The following B4GALT1 variants were observed in gnomAD, a reference collection of about 807,000 sequenced individuals.
The protein encoded by B4GALT1 is beta-1,4-galactosyltransferase 1, also known as N-acetyllactosamine synthase.
A neutral mutation model predicts 34.9 loss-of-function variants in B4GALT1; 16 were observed. The ratio of observed to expected loss-of-function variants is 0.46; its 90% CI spans 0.31 to 0.70. The LOEUF (loss-of-function observed/expected upper bound fraction) is 0.70, where lower values mean the gene tolerates loss of function less well. B4GALT1 is among the 30% of genes least tolerant of loss of function. The pLI is 0.05. For synonymous variants in B4GALT1, 221 were observed against 218.1 expected, an observed-to-expected ratio of 1.01 and a Z score of -0.12; for missense variants, 445 against 530.5, an observed-to-expected ratio of 0.84 and a Z score of 1.58.
chr9:33,131,960 C>T (rs895367555), intron 2 of B4GALT1, among the ~76,000 whole-genome samples: 2 of 152,126 alleles, frequency 1.3e-5, no homozygotes, highest in Non-Finnish European at 2.9e-5. Flanking sequence ...GTTATCTGGA[C>T]TCTGACCATA....
intron 3 of B4GALT1, among the ~76,000 whole-genome samples, chr9:33,118,745 T>C (rs1485791053): frequency 6.6e-6 from 1 of 152,140 alleles, no homozygotes; most frequent in East Asian, 1.9e-4. Flanking sequence ...AACCACACTG[T>C]ACTAGTCAGC....
At chr9:33,123,460 A>C (rs1840051223) in intron 2 of B4GALT1, among the ~76,000 whole-genome samples, 1 of 151,990 alleles carries the variant, frequency 6.6e-6, no homozygotes, top group Non-Finnish European at 1.5e-5. Flanking sequence ...AACAACCCTC[A>C]CCCCAGCCCA....
chr9:33,124,163 T>C (rs10971419), intron 2 of B4GALT1, among the ~76,000 whole-genome samples: 56,421 of 151,956 alleles, frequency 0.37, 11,183 homozygotes, highest in East Asian at 0.59. Flanking sequence ...GCTGTAACAC[T>C]GGGGCACACA....
At chr9:33,181,826 A>G in the B4GALT1 span, among the ~76,000 whole-genome samples, 1 of 152,332 alleles carries the variant, frequency 6.6e-6, no homozygotes, top group Middle Eastern at 3.4e-3. Context: ...TTAGTTTCCA[A>G]GGACTCCTCT....
intron 5 of B4GALT1, 27 bp from the exon 6 acceptor site, chr9:33,113,613 T>G: frequency 2.5e-6 from 4 of 1,614,142 alleles, no homozygotes; most frequent in Non-Finnish European, 3.4e-6. Flanking sequence ...ACAAGGAGAT[T>G]GTCTTAAAAC....
chr9:33,180,200 C>T, the B4GALT1 span, among the ~76,000 whole-genome samples: 1 of 152,166 alleles, frequency 6.6e-6, no homozygotes, highest in African/African-American at 2.4e-5. Context: ...CCATGCCCAG[C>T]TCCATTTCCA....
chr9:33,158,709 A>C (rs990435230), intron 1 of B4GALT1, among the ~76,000 whole-genome samples: 1 of 152,034 alleles, frequency 6.6e-6, no homozygotes, highest in African/African-American at 2.4e-5. Flanking sequence ...CCTGGCCCAG[A>C]CCACCCATTT....
intron 2 of B4GALT1, among the ~76,000 whole-genome samples, chr9:33,133,758 T>C (rs1160941181): frequency 6.6e-6 from 1 of 152,166 alleles, no homozygotes; most frequent in African/African-American, 2.4e-5. Flanking sequence ...TCAGTTTCCT[T>C]GTAACAGGGC....
At chr9:33,164,182 C>T (rs1305182643) in intron 1 of B4GALT1, among the ~76,000 whole-genome samples, 1 of 152,142 alleles carries the variant, frequency 6.6e-6, no homozygotes, top group Non-Finnish European at 1.5e-5. Context: ...AAAGCCAAGT[C>T]GGGGAAAGGA....
At chr9:33,126,922 A>T (rs889276997) in intron 2 of B4GALT1, among the ~76,000 whole-genome samples, 1 of 152,088 alleles carries the variant, frequency 6.6e-6, no homozygotes, top group Non-Finnish European at 1.5e-5. Context: ...GGGTGAAGTG[A>T]GCACAGAAGA....
chr9:33,167,378 G>C, upstream of B4GALT1: 1 of 545,212 alleles, frequency 1.8e-6, no homozygotes, highest in Non-Finnish European at 2.7e-6. Context: ...GGGGAGGGGC[G>C]GGGCCCCGGC....
chr9:33,151,258 G>T (rs1840513552), intron 1 of B4GALT1, among the ~76,000 whole-genome samples: 1 of 152,218 alleles, frequency 6.6e-6, no homozygotes. Context: ...CTCAATAACA[G>T]TTCTAATCTT....
chr9:33,137,254 TTC>T lies in B4GALT1; in HGVS notation c.413-1832_413-1831del, dbSNP rs1587738928. On this transcript the variant is annotated intron_variant, in intron 1 of 5. Transcript: ENST00000379731. ...CCTTAAGCCATGCCTGTCCACACTT[TTC>T]TCTTTGCCAGAAATGCCCTTCCCAC... is the stretch of plus-strand genomic sequence containing the variant. Among the ~76,000 whole-genome samples the T allele has an allele frequency of 2.0e-5, 3 of 152,182 alleles. No individual in the cohort carries two copies. The South Asian group carries it at 6.2e-4, about 32-fold the overall frequency.
upstream of B4GALT1, among the ~76,000 whole-genome samples, chr9:33,169,381 C>A (rs971695162): frequency 6.6e-6 from 1 of 152,194 alleles, no homozygotes; most frequent in Non-Finnish European, 1.5e-5. Context: ...TTTGTACTTG[C>A]TGTTCATTTA....
intron 2 of B4GALT1, among the ~76,000 whole-genome samples, chr9:33,125,061 T>C (rs1274055427): frequency 6.6e-6 from 1 of 152,178 alleles, no homozygotes. Context: ...CTAGGTCAAC[T>C]GGCTGCTTTT....
At position 33,167,268 on chromosome 9, in the gene B4GALT1, G is replaced by C; in HGVS notation, c.-99C>G. On this transcript the variant is annotated 5_prime_UTR_variant, in exon 1 of 6. Coordinates refer to ENST00000379731, the MANE Select transcript of B4GALT1 (RefSeq NM_001497.4). ...CGCTGCCCCACAGCGGCGACTAGGGGAGGGCCCGGAGCGGGGGCGGGCGAG... is the reference window on the plus strand; with the variant it reads ...CGCTGCCCCACAGCGGCGACTAGGGCAGGGCCCGGAGCGGGGGCGGGCGAG... 7.2e-7 allele frequency: 1 copy of C among 1,379,680 alleles called. No homozygotes were observed. Among genetic ancestry groups the C allele is most frequent in the Non-Finnish European group, 9.4e-7 (1 of 1,061,396 alleles). The allele number at this position is 1,379,680 out of a possible 1,614,324, so 85.5% of individuals were successfully genotyped here.
At chr9:33,124,926 A>C (rs1428364952) in intron 2 of B4GALT1, among the ~76,000 whole-genome samples, 1 of 152,238 alleles carries the variant, frequency 6.6e-6, no homozygotes, top group East Asian at 1.9e-4. Flanking sequence ...TGAAATGCGT[A>C]GGAAGTCACG....
chr9:33,127,715 G>A (rs1840133355), intron 2 of B4GALT1, among the ~76,000 whole-genome samples: 1 of 152,244 alleles, frequency 6.6e-6, no homozygotes. Flanking sequence ...GGTATGGAAA[G>A]TGATGATGAT....
Position 33,157,679 on chromosome 9 carries a change from T to G in B4GALT1, c.412+9079A>C, listed in dbSNP as rs189228810. Among the ~76,000 whole-genome samples, 33 of 151,918 alleles carry G rather than the reference T, an allele frequency of 2.2e-4. No individual in the cohort carries two copies. The East Asian group carries it at 6.4e-3, about 29-fold the overall frequency. On this transcript the variant is annotated intron_variant, in intron 1 of 5. Coordinates refer to ENST00000379731, the MANE Select transcript of B4GALT1 (RefSeq NM_001497.4). ...TTCTGTTACAATGGTAAGTAGAATT[T>G]TTTTTAACATTTAACATGGTAACAT...
Sources: gnomAD v4.1 joint callset for allele counts (sites outside exome capture counted in the v4.1 genomes callset) on GRCh38, gnomAD v4.1.1 for gene constraint, MANE v1.5 for transcripts, NCBI Gene and HGNC (gene_info 2026-07-23, HGNC 2026-07-21) for gene names.